Variants in ST6GALNAC3 observed in about 807,000 individuals in gnomAD.
The protein encoded by ST6GALNAC3 is alpha-N-acetylgalactosaminide alpha-2,6-sialyltransferase 3.
A neutral mutation model predicts 32.7 loss-of-function variants in ST6GALNAC3; 25 were observed. That is an observed-to-expected ratio of 0.76 (90% CI 0.56 to 1.07). The LOEUF is 1.07. Among genes scored for constraint, ST6GALNAC3 ranks in the 50% least tolerant of loss-of-function variants. The pLI is 0.00. For synonymous variants in ST6GALNAC3, 129 were observed against 133.1 expected, an observed-to-expected ratio of 0.97 and a Z score of 0.21; for missense variants, 355 against 382.4, an observed-to-expected ratio of 0.93 and a Z score of 0.60.
intron 1 of ST6GALNAC3, among the ~76,000 whole-genome samples, chr1:76,250,016 A>G (rs1053311805): frequency 1.3e-5 from 2 of 152,186 alleles, no homozygotes; most frequent in Non-Finnish European, 2.9e-5. Flanking sequence ...CTTATCAGAT[A>G]TATGATTTGC....
intron 1 of ST6GALNAC3, among the ~76,000 whole-genome samples, chr1:76,128,102 G>T (rs958423763): frequency 1.3e-5 from 2 of 152,252 alleles, no homozygotes; most frequent in African/African-American, 4.8e-5. Flanking sequence ...CACCAATCAC[G>T]AGAAGTCGGA....
At chr1:76,294,640 TA>T (rs1297673467) in intron 1 of ST6GALNAC3, among the ~76,000 whole-genome samples, 1 of 151,842 alleles carries the variant, frequency 6.6e-6, no homozygotes, top group Non-Finnish European at 1.5e-5. Context: ...TTCTGGGCGG[TA>T]AAAGGCAGTC....
intron 2 of ST6GALNAC3, among the ~76,000 whole-genome samples, chr1:76,392,041 G>T (rs1469372255): frequency 6.6e-6 from 1 of 152,104 alleles, no homozygotes; most frequent in Non-Finnish European, 1.5e-5. Context: ...ATAATGCTTC[G>T]TTGTGGGTAG....
At chr1:76,635,534 G>A (rs892405408), downstream of ST6GALNAC3, among the ~76,000 whole-genome samples, 2 of 152,170 alleles carry the variant, frequency 1.3e-5, no homozygotes, top group African/African-American at 4.8e-5. Flanking sequence ...AGCTTTTGAC[G>A]AAATGAGATT....
At chr1:76,235,734 C>T (rs1656614036) in intron 1 of ST6GALNAC3, among the ~76,000 whole-genome samples, 1 of 147,824 alleles carries the variant, frequency 6.8e-6, no homozygotes. Flanking sequence ...AAATGAGAAA[C>T]TTACTGTGTC....
At chr1:76,580,128 C>G (rs370897424) in intron 3 of ST6GALNAC3, among the ~76,000 whole-genome samples, 1 of 151,980 alleles carries the variant, frequency 6.6e-6, no homozygotes. Context: ...CAGTATCCCT[C>G]GGTACTCAAT....
intron 2 of ST6GALNAC3, among the ~76,000 whole-genome samples, chr1:76,350,669 G>A (rs1648901236): frequency 6.6e-6 from 1 of 152,076 alleles, no homozygotes; most frequent in Non-Finnish European, 1.5e-5. Context: ...TCATAGATAA[G>A]CCTTGTGTTA....
At chr1:76,499,504 C>T (rs187568066) in intron 3 of ST6GALNAC3, among the ~76,000 whole-genome samples, 13 of 152,194 alleles carry the variant, frequency 8.5e-5, no homozygotes, top group African/African-American at 3.1e-4. Flanking sequence ...CAGGTCTTTC[C>T]CAGGTTTGCA....
At chr1:76,417,273 A>G (rs974058392) in intron 3 of ST6GALNAC3, among the ~76,000 whole-genome samples, 1 of 141,054 alleles carries the variant, frequency 7.1e-6, no homozygotes, top group African/African-American at 2.6e-5. Flanking sequence ...TCACTTTTAG[A>G]TTGTCACCTA....
intron 1 of ST6GALNAC3, among the ~76,000 whole-genome samples, chr1:76,190,491 C>T (rs938426020): frequency 6.6e-6 from 1 of 152,076 alleles, no homozygotes; most frequent in Non-Finnish European, 1.5e-5. Flanking sequence ...CAAATAAAAC[C>T]CATAAGCAAA....
intron 1 of ST6GALNAC3, among the ~76,000 whole-genome samples, chr1:76,130,890 T>G (rs752281224): frequency 6.6e-6 from 1 of 152,222 alleles, no homozygotes; most frequent in African/African-American, 2.4e-5. Flanking sequence ...CTGTGGACAT[T>G]TGAAGTTTCA....
At chr1:76,600,543 C>A (rs1647207742) in intron 3 of ST6GALNAC3, among the ~76,000 whole-genome samples, 1 of 152,098 alleles carries the variant, frequency 6.6e-6, no homozygotes, top group Non-Finnish European at 1.5e-5. Context: ...CTGCTCATTC[C>A]CCTCCAAAAA....
At chr1:76,604,575 T>C (rs919330269) in intron 3 of ST6GALNAC3, among the ~76,000 whole-genome samples, 2 of 152,192 alleles carry the variant, frequency 1.3e-5, no homozygotes, top group Admixed American at 6.5e-5. Context: ...TCTTCTCTTC[T>C]CAATCTCTTT....
At chr1:76,328,417 T>TA (rs1442653213) in intron 2 of ST6GALNAC3, among the ~76,000 whole-genome samples, 1 of 152,200 alleles carries the variant, frequency 6.6e-6, no homozygotes, top group Non-Finnish European at 1.5e-5. Flanking sequence ...CCTGACTTCT[T>TA]ACTCTGTGGT....
chr1:76,341,467 C>A (rs1338159877), intron 2 of ST6GALNAC3, among the ~76,000 whole-genome samples: 1 of 151,922 alleles, frequency 6.6e-6, no homozygotes, highest in Non-Finnish European at 1.5e-5. Context: ...TTGATGGGCA[C>A]CTGGGTGGAT....
Position 76,572,742 on chromosome 1 carries a change from G to A in ST6GALNAC3, c.624-54710G>A, listed in dbSNP as rs187072111. 3.5e-4 allele frequency among the ~76,000 whole-genome samples: 54 copies of A among 152,270 alleles called. No homozygotes were observed. The East Asian group carries it at 0.01, about 28-fold the overall frequency. ...CCACCTGTTCTTACAAATTAGCTGA[G>A]TTCTCAAGAAGGCCCAAATTAGTGA... On this transcript the variant is annotated intron_variant, in intron 3 of 4. Coordinates refer to ENST00000328299, the MANE Select transcript of ST6GALNAC3 (RefSeq NM_152996.4).
At chr1:76,585,506 C>T (rs1274295603) in intron 3 of ST6GALNAC3, among the ~76,000 whole-genome samples, 2 of 152,072 alleles carry the variant, frequency 1.3e-5, no homozygotes, top group African/African-American at 2.4e-5. Flanking sequence ...TCCAGAGAGG[C>T]GAGAGCCTAA....
At position 76,389,011 on chromosome 1, in the gene ST6GALNAC3, C is replaced by CTTTTTTTTTTTTTTT. The variant is rs138986165; in HGVS notation, c.214-22997_214-22996insTTTTTTTTTTTTTTT. 1.2e-4 allele frequency among the ~76,000 whole-genome samples: 13 copies of CTTTTTTTTTTTTTTT among 107,882 alleles called. 2 individuals are homozygous for CTTTTTTTTTTTTTTT. Among genetic ancestry groups the CTTTTTTTTTTTTTTT allele is most frequent in the African/African-American group, 1.5e-4 (4 of 26,938 alleles). The allele number at this position is 107,882 out of a possible 152,430, so 70.8% of individuals were successfully genotyped here. On this transcript the variant is annotated intron_variant, in intron 2 of 4. Transcript: ENST00000328299. The stretch of plus-strand genomic sequence containing the variant: ...GGTGTGGTTGTTAGTTGGTATATTT[C>CTTTTTTTTTTTTTTT]CTTTTTTTTTTTTTTTTGAGACAGA...
In ST6GALNAC3 at chr1:76,201,227, A is replaced by C. The variant is rs191780063; in HGVS notation, c.19-112578A>C. 1.7e-3 allele frequency among the ~76,000 whole-genome samples: 259 copies of C among 152,296 alleles called. 1 individual carries two copies. Among genetic ancestry groups the C allele is most frequent in the African/African-American group, 5.8e-3 (243 of 41,570 alleles). On this transcript the variant is annotated intron_variant, in intron 1 of 4. Coordinates refer to ENST00000328299, the MANE Select transcript of ST6GALNAC3 (RefSeq NM_152996.4). ...TAAAGGAAAGAGGTTTCATTGACTC[A>C]CAGTTCGACATGGCCAGCGAGGTCT...
Sources: gnomAD v4.1 joint callset for allele counts (sites outside exome capture counted in the v4.1 genomes callset) on GRCh38, gnomAD v4.1.1 for gene constraint, MANE v1.5 for transcripts, NCBI Gene and HGNC (gene_info 2026-07-23, HGNC 2026-07-21) for gene names.